The following SRGAP2B variants were observed in gnomAD, a reference collection of about 807,000 sequenced individuals.
SRGAP2B encodes the protein SLIT-ROBO Rho GTPase-activating protein 2B.
A neutral mutation model predicts 22.2 loss-of-function variants in SRGAP2B; 9 were observed. The ratio of observed to expected loss-of-function variants is 0.41; its 90% CI spans 0.24 to 0.71. SRGAP2B has a LOEUF of 0.71. SRGAP2B is among the 30% of genes least tolerant of loss of function. SRGAP2B has a pLI of 0.35. For missense variants in SRGAP2B, 114 were observed against 235.8 expected, an observed-to-expected ratio of 0.48 and a Z score of 3.38; for synonymous variants, 36 against 87.4, an observed-to-expected ratio of 0.41 and a Z score of 3.28.
chr1:144,904,957 T>C (rs1662875417), intron 7 of SRGAP2B, 134 bp downstream of exon 7: 1 of 514,978 alleles, frequency 1.9e-6, no homozygotes, highest in Non-Finnish European at 3.4e-6. Flanking sequence ...AGCACCCTGT[T>C]GGATCATGGC....
At chr1:145,081,298 A>G (rs1412771368) in intron 2 of SRGAP2B, among the ~76,000 whole-genome samples, 1 of 149,754 alleles carries the variant, frequency 6.7e-6, no homozygotes, top group Non-Finnish European at 1.5e-5. Flanking sequence ...GAGCTGAGAC[A>G]TAAGAAGCAC....
chr1:144,889,224 G>C, exon 10 of SRGAP2B: 1 of 149,408 alleles, frequency 6.7e-6, no homozygotes, highest in Non-Finnish European at 1.5e-5. Context: ...CACAGCGCTG[G>C]GATTACAGGC....
At chr1:144,940,755 A>G (rs1665970224) in intron 4 of SRGAP2B, among the ~76,000 whole-genome samples, 1 of 146,840 alleles carries the variant, frequency 6.8e-6, no homozygotes, top group African/African-American at 2.6e-5. Context: ...GTGAGCCAAG[A>G]TCACGCCACT....
intron 2 of SRGAP2B, among the ~76,000 whole-genome samples, chr1:145,009,588 A>C (rs1302287943): frequency 8.7e-6 from 1 of 114,422 alleles, no homozygotes; most frequent in Non-Finnish European, 2.2e-5. Flanking sequence ...ACTCCGTCTC[A>C]AAAAAAAAAA....
At chr1:145,017,253 C>T (rs1306543781) in intron 2 of SRGAP2B, among the ~76,000 whole-genome samples, 1 of 149,654 alleles carries the variant, frequency 6.7e-6, no homozygotes, top group Non-Finnish European at 1.5e-5. Flanking sequence ...ACTATGTTTG[C>T]CAGTATTTTT....
intron 3 of SRGAP2B, among the ~76,000 whole-genome samples, chr1:144,978,908 AAGT>A (rs1553614564): frequency 6.7e-6 from 1 of 150,332 alleles, no homozygotes; most frequent in Non-Finnish European, 1.5e-5. Flanking sequence ...CTATGCTGTA[AAGT>A]AGAAGGTTTC....
intron 4 of SRGAP2B, among the ~76,000 whole-genome samples, chr1:144,942,848 GC>G (rs1666160175): frequency 6.6e-6 from 1 of 150,654 alleles, no homozygotes; most frequent in South Asian, 2.1e-4. Flanking sequence ...TTGTAGGCTG[GC>G]ACCATGAATA....
intron 4 of SRGAP2B, among the ~76,000 whole-genome samples, chr1:144,923,061 AGGGTGGGAGTTCAG>A (rs1664369022): frequency 6.6e-6 from 1 of 150,656 alleles, no homozygotes; most frequent in African/African-American, 2.5e-5. Flanking sequence ...ACTCGGGACA[AGGGTGGGAGTTCAG>A]GGGAGTTCAG....
chr1:144,925,747 G>GAAAGAAAGAA (rs1664656759), intron 4 of SRGAP2B, among the ~76,000 whole-genome samples: 10 of 136,160 alleles, frequency 7.3e-5, no homozygotes, highest in Non-Finnish European at 1.6e-4. Flanking sequence ...AAGAAAGAAA[G>GAAAGAAAGAA]AAAGAAAGAA....
At chr1:145,002,455 C>T (rs1553620119) in intron 2 of SRGAP2B, among the ~76,000 whole-genome samples, 2 of 88,098 alleles carry the variant, frequency 2.3e-5, no homozygotes. Flanking sequence ...GTGGCTCACA[C>T]CTGTAATCCT....
At chr1:145,068,202 CAAAAAAAAA>C (rs75504567) in intron 2 of SRGAP2B, among the ~76,000 whole-genome samples, 1 of 15,594 alleles carries the variant, frequency 6.4e-5, no homozygotes, top group African/African-American at 2.3e-4. Context: ...GACTCCGTCT[CAAAAAAAAA>C]AAAAAAAAAA....
chr1:145,080,421 A>AT (rs1652819454), intron 2 of SRGAP2B, among the ~76,000 whole-genome samples: 1 of 146,520 alleles, frequency 6.8e-6, no homozygotes, highest in Non-Finnish European at 1.5e-5. Flanking sequence ...CCTACCCTCC[A>AT]TAAGTGTGCA....
chr1:145,003,825 C>A (rs1671389783), intron 2 of SRGAP2B, among the ~76,000 whole-genome samples: 1 of 151,668 alleles, frequency 6.6e-6, no homozygotes, highest in Non-Finnish European at 1.5e-5. Context: ...AAAATCCCTG[C>A]ACATACCAAC....
rs1482706364 is a variant in SRGAP2B, at chr1:144,920,089, GAC to G, written c.424-5337_424-5336del. On this transcript the variant is annotated intron_variant, in intron 4 of 9. Transcript: ENST00000612199. The stretch of plus-strand genomic sequence containing the variant: ...TGGTGCATTTACAATCCTTTAGCTA[GAC>G]ACAGAGCGCTGATTGGTGCGTTTTT... Among the ~76,000 whole-genome samples, 17 of 150,864 alleles carry G rather than the reference GAC, an allele frequency of 1.1e-4. 1 individual carries two copies. The highest frequency in any genetic ancestry group is 4.2e-4 in the African/African-American group (17 of 40,400).
intron 2 of SRGAP2B, among the ~76,000 whole-genome samples, chr1:145,081,374 C>T (rs1379408490): frequency 6.6e-6 from 1 of 150,562 alleles, no homozygotes; most frequent in African/African-American, 2.5e-5. Flanking sequence ...TCCCATCTTA[C>T]AGGGATTTTA....
At position 144,965,989 on chromosome 1, in the gene SRGAP2B, T is replaced by G. The variant is rs587728527; in HGVS notation, c.261-10388A>C. On this transcript the variant is annotated intron_variant, in intron 3 of 9. Coordinates refer to ENST00000612199, the Ensembl canonical transcript of SRGAP2B. ...AAAGCCTCCAATAAATATGGGACTA[T>G]GTGAAAAGACCAAATCTACGTCTGA... 2.0e-4 allele frequency among the ~76,000 whole-genome samples: 30 copies of G among 150,988 alleles called. No homozygotes were observed. In the South Asian group the frequency reaches 6.2e-3, roughly 31 times the overall value.
At position 145,058,159 on chromosome 1, in the gene SRGAP2B, G is replaced by A. The variant is rs1468047; in HGVS notation, c.67+34676C>T. On this transcript the variant is annotated intron_variant, in intron 2 of 9. Coordinates refer to ENST00000612199, the Ensembl canonical transcript of SRGAP2B. ...CTAGGACCTGTGTGACCATGAGCAC[G>A]TATCTTAATTTCTGAGCCTTAGTTT... Among the ~76,000 whole-genome samples the A allele has an allele frequency of 1.2e-4, 18 of 149,622 alleles. 1 individual carries two copies. The highest frequency in any genetic ancestry group is 2.1e-4 in the Non-Finnish European group (14 of 67,694).
At chr1:145,001,971 G>T (rs1175483022) in intron 2 of SRGAP2B, among the ~76,000 whole-genome samples, 1 of 144,674 alleles carries the variant, frequency 6.9e-6, no homozygotes, top group African/African-American at 2.7e-5. Flanking sequence ...ACAGTGAGCC[G>T]TGATTGTGCC....
intron 3 of SRGAP2B, among the ~76,000 whole-genome samples, chr1:144,970,917 A>G (rs1207183687): frequency 1.3e-5 from 2 of 149,482 alleles, no homozygotes; most frequent in Non-Finnish European, 3.0e-5. Context: ...CTTTATAAAC[A>G]TGAAAGTGTT....
Sources: allele counts gnomAD v4.1 joint callset (sites outside exome capture counted in the v4.1 genomes callset), GRCh38; gene constraint gnomAD v4.1.1; transcripts MANE v1.5; gene names NCBI Gene and HGNC (gene_info 2026-07-23, HGNC 2026-07-21).